The following TRHDE variants were observed in gnomAD, a reference collection of about 807,000 sequenced individuals.
TRHDE encodes the protein thyrotropin releasing hormone degrading enzyme, also known as thyrotropin-releasing hormone-degrading ectoenzyme.
In TRHDE, 72 loss-of-function variants were observed where a neutral mutation model predicts 125.7. That is an observed-to-expected ratio of 0.57 (90% CI 0.47 to 0.70). TRHDE has a LOEUF of 0.70. Among genes scored for constraint, TRHDE ranks in the 30% least tolerant of loss-of-function variants. TRHDE has a pLI of 0.00. For missense variants in TRHDE, 1,110 were observed against 1,327.1 expected, an observed-to-expected ratio of 0.84 and a Z score of 2.54; for synonymous variants, 509 against 509.1, an observed-to-expected ratio of 1.00 and a Z score of 0.00.
intron 15 of TRHDE, among the ~76,000 whole-genome samples, chr12:72,637,832 C>T (rs1345312880): frequency 6.6e-6 from 1 of 151,456 alleles, no homozygotes; most frequent in Non-Finnish European, 1.5e-5. Context: ...GATTCTTAAT[C>T]CTGAGTTCTA....
intron 2 of TRHDE, among the ~76,000 whole-genome samples, chr12:72,356,736 A>G (rs1307375006): frequency 6.6e-6 from 1 of 151,400 alleles, no homozygotes; most frequent in Non-Finnish European, 1.5e-5. Flanking sequence ...CTTGTGATGG[A>G]TTGGATTTGG....
chr12:72,641,455 C>T (rs1874056541), intron 15 of TRHDE, among the ~76,000 whole-genome samples: 1 of 152,084 alleles, frequency 6.6e-6, no homozygotes, highest in Admixed American at 6.5e-5. Flanking sequence ...ATGTTAAGAT[C>T]CTCGTCTGTC....
At chr12:72,588,702 C>T (rs1871544908) in intron 12 of TRHDE, among the ~76,000 whole-genome samples, 1 of 152,036 alleles carries the variant, frequency 6.6e-6, no homozygotes, top group Admixed American at 6.5e-5. Flanking sequence ...GGACAAACTC[C>T]ATAAAGACTG....
chr12:72,647,252 T>C (rs1006912207), intron 15 of TRHDE, among the ~76,000 whole-genome samples: 16 of 151,862 alleles, frequency 1.1e-4, no homozygotes, highest in African/African-American at 3.6e-4. Flanking sequence ...AAAAGGAAAG[T>C]AAAAACTACA....
intron 18 of TRHDE, among the ~76,000 whole-genome samples, chr12:72,660,354 T>C (rs1002097423): frequency 6.6e-6 from 1 of 152,150 alleles, no homozygotes; most frequent in Admixed American, 6.5e-5. Flanking sequence ...TGGGTAGGCC[T>C]GGATAATATC....
intron 3 of TRHDE, among the ~76,000 whole-genome samples, chr12:72,456,724 G>C (rs909467416): frequency 6.6e-6 from 1 of 151,926 alleles, no homozygotes; most frequent in African/African-American, 2.4e-5. Context: ...GCATTTTCCC[G>C]TTATGGGTGC....
At chr12:72,165,147 G>A (rs539137827) in intron 2 of TRHDE, among the ~76,000 whole-genome samples, 7 of 152,262 alleles carry the variant, frequency 4.6e-5, no homozygotes, top group African/African-American at 1.7e-4. Context: ...TCAGCACGTG[G>A]ATGAGCCTCT....
chr12:72,569,704 G>C (rs1870628135), intron 10 of TRHDE, among the ~76,000 whole-genome samples: 1 of 152,122 alleles, frequency 6.6e-6, no homozygotes. Flanking sequence ...AACACATAAA[G>C]ACATACGACG....
At chr12:72,292,976 T>C (rs994063032) in intron 2 of TRHDE, among the ~76,000 whole-genome samples, 1 of 152,180 alleles carries the variant, frequency 6.6e-6, no homozygotes, top group African/African-American at 2.4e-5. Flanking sequence ...CTCCACGATG[T>C]CTGAGGTCTC....
At chr12:72,160,061 CT>C (rs1876601476) in intron 2 of TRHDE, among the ~76,000 whole-genome samples, 1 of 152,044 alleles carries the variant, frequency 6.6e-6, no homozygotes, top group Admixed American at 6.6e-5. Flanking sequence ...ATTTTTTCTT[CT>C]TTAAGGGGAC....
Position 72,446,893 on chromosome 12 carries a change from T to G in TRHDE, c.1316-22865T>G, listed in dbSNP as rs1363259776. 2.0e-5 allele frequency among the ~76,000 whole-genome samples: 3 copies of G among 152,060 alleles called. No homozygotes were observed. In the East Asian group the frequency reaches 5.8e-4, roughly 29 times the overall value. On this transcript the variant is annotated intron_variant, in intron 3 of 18. Coordinates refer to ENST00000261180, the MANE Select transcript of TRHDE (RefSeq NM_013381.3). ...AGTCCTTAGAGACCTACAAAGAGAC[T>G]TAGACTCCCACACAATAATAATGGA...
intron 2 of TRHDE, among the ~76,000 whole-genome samples, chr12:72,296,134 A>G (rs1880291247): frequency 1.3e-5 from 2 of 152,236 alleles, no homozygotes; most frequent in Non-Finnish European, 2.9e-5. Flanking sequence ...TATGTAGAAA[A>G]TGATAGATAC....
chr12:72,236,295 G>A (rs1479346503), intron 2 of TRHDE, among the ~76,000 whole-genome samples: 1 of 152,164 alleles, frequency 6.6e-6, no homozygotes, highest in East Asian at 1.9e-4. Flanking sequence ...TTATTCATGT[G>A]ACTCACCAGT....
At chr12:72,189,478 G>C (rs553988387) in intron 2 of TRHDE, among the ~76,000 whole-genome samples, 1 of 152,164 alleles carries the variant, frequency 6.6e-6, no homozygotes, top group African/African-American at 2.4e-5. Context: ...AAAACAGGAA[G>C]AACTACTTTA....
At chr12:72,607,061 T>G (rs1358692823) in intron 12 of TRHDE, among the ~76,000 whole-genome samples, 2 of 152,130 alleles carry the variant, frequency 1.3e-5, no homozygotes, top group Admixed American at 6.6e-5. Context: ...GCTCAGTGAG[T>G]AGTTAATATC....
At chr12:72,433,781 G>A (rs1565739813) in intron 3 of TRHDE, among the ~76,000 whole-genome samples, 1 of 151,468 alleles carries the variant, frequency 6.6e-6, no homozygotes, top group African/African-American at 2.4e-5. Flanking sequence ...ACAGAGTCTG[G>A]CTCTGGTAGA....
chr12:72,352,244 A>G (rs1870615802), intron 2 of TRHDE, among the ~76,000 whole-genome samples: 1 of 151,782 alleles, frequency 6.6e-6, no homozygotes. Context: ...AGAGAAAAAA[A>G]AAAAGATTTG....
At chr12:72,338,423 T>C (rs979711199) in intron 2 of TRHDE, among the ~76,000 whole-genome samples, 2 of 152,186 alleles carry the variant, frequency 1.3e-5, no homozygotes, top group African/African-American at 4.8e-5. Flanking sequence ...TAAATTGACC[T>C]TCAGAACGTG....
At chr12:72,165,651 A>C (rs571745949) in intron 2 of TRHDE, among the ~76,000 whole-genome samples, 126 of 152,012 alleles carry the variant, frequency 8.3e-4, no homozygotes, top group Middle Eastern at 3.4e-3. Flanking sequence ...CTTAATATAT[A>C]ATAAGTCACA....
Sources: gnomAD v4.1 joint callset for allele counts (sites outside exome capture counted in the v4.1 genomes callset) on GRCh38, gnomAD v4.1.1 for gene constraint, MANE v1.5 for transcripts, NCBI Gene and HGNC (gene_info 2026-07-23, HGNC 2026-07-21) for gene names.